The following ABCG2 variants were observed in gnomAD, a reference collection of about 807,000 sequenced individuals.
The protein encoded by ABCG2 is broad substrate specificity ATP-binding cassette transporter ABCG2.
In ABCG2, 80 loss-of-function variants were observed where a neutral mutation model predicts 73.5. The ratio of observed to expected loss-of-function variants is 1.09; its 90% CI spans 0.91 to 1.31. ABCG2 has a LOEUF of 1.31. ABCG2 is among the 50% of genes most tolerant of loss of function. The probability of loss-of-function intolerance (pLI) is 0.00; values close to 1 mark genes in which losing one functional copy is unlikely to be tolerated. For missense variants in ABCG2, 796 were observed against 786.2 expected (o/e 1.01, Z -0.15); for synonymous variants, 269 against 282.4 (o/e 0.95, Z 0.48).
chr4:88,209,212 A>G (rs2110121327), intron 1 of ABCG2, among the ~76,000 whole-genome samples: 1 of 150,398 alleles, frequency 6.6e-6, no homozygotes, highest in South Asian at 2.1e-4. Context: ...CAGGAGACTG[A>G]GGCACAAGAA....
chr4:88,148,222 G>GT (rs1379410853), intron 1 of ABCG2, among the ~76,000 whole-genome samples: 2 of 152,184 alleles, frequency 1.3e-5, no homozygotes, highest in African/African-American at 4.8e-5. Context: ...AGGGCTGCTT[G>GT]TGGGACTTGA....
intron 1 of ABCG2, among the ~76,000 whole-genome samples, chr4:88,222,238 G>A (rs933526767): frequency 2.6e-5 from 4 of 152,234 alleles, no homozygotes; most frequent in Admixed American, 1.3e-4. Flanking sequence ...CTACATTTTG[G>A]AGGAAATGTA....
chr4:88,101,794 G>A (rs192744260), intron 10 of ABCG2, among the ~76,000 whole-genome samples: 4 of 152,312 alleles, frequency 2.6e-5, no homozygotes, highest in Non-Finnish European at 5.9e-5. Context: ...CCAGAACCCA[G>A]CAATGCTGGC....
intron 9 of ABCG2, among the ~76,000 whole-genome samples, chr4:88,111,707 C>G (rs1723143553): frequency 6.6e-6 from 1 of 152,092 alleles, no homozygotes; most frequent in South Asian, 2.1e-4. Context: ...ATAAAAATAA[C>G]AGCCCCAAAA....
At chr4:88,212,118 T>C (rs1051698227) in intron 1 of ABCG2, among the ~76,000 whole-genome samples, 2 of 152,174 alleles carry the variant, frequency 1.3e-5, no homozygotes, top group Non-Finnish European at 2.9e-5. Context: ...TAGCTTTAGG[T>C]GAAAACCAAA....
chr4:88,131,170 T>G lies in ABCG2; in HGVS notation c.422A>C (p.Gln141Pro), dbSNP rs769050167. Residue 141 changes from glutamine to proline, a missense_variant, in exon 5 of 16, where the codon CAG becomes CCG. Coordinates refer to ENST00000237612, the MANE Select transcript of ABCG2 (RefSeq NM_004827.3). ...TGCAAGCCGAAGAGCTGCTGAGAAC[T>G]GTAAGTTTTCTCTCACCGTCAGAGT... Reference protein sequence around the residue: ...MGTLTVRENLQFSAALRLATT... With the variant: ...MGTLTVRENLPFSAALRLATT... 3.1e-6 allele frequency: 5 copies of G among 1,614,062 alleles called. No individual in the cohort carries two copies. The highest frequency in any genetic ancestry group is 4.2e-6 in the Non-Finnish European group (5 of 1,179,962).
chr4:88,129,314 AC>A (rs754880660), intron 5 of ABCG2, among the ~76,000 whole-genome samples: 6 of 152,240 alleles, frequency 3.9e-5, no homozygotes, highest in Non-Finnish European at 8.8e-5. Flanking sequence ...CCATATCATT[AC>A]TATAGTAATC....
chr4:88,169,299 C>T (rs913814220), intron 1 of ABCG2, among the ~76,000 whole-genome samples: 7 of 152,274 alleles, frequency 4.6e-5, no homozygotes, highest in Middle Eastern at 3.4e-3. Context: ...CCGTCTCAGC[C>T]TCCCAAAGTG....
At chr4:88,095,357 G>A (rs775377828) in intron 14 of ABCG2, among the ~76,000 whole-genome samples, 163 bp downstream of exon 14, 5 of 152,152 alleles carry the variant, frequency 3.3e-5, no homozygotes, top group African/African-American at 4.8e-5. Context: ...CCAGCCTTGT[G>A]TTAACCAAGG....
At chr4:88,194,204 G>A (rs1033143412) in intron 1 of ABCG2, among the ~76,000 whole-genome samples, 12 of 152,162 alleles carry the variant, frequency 7.9e-5, no homozygotes, top group Non-Finnish European at 1.6e-4. Context: ...ACCCTGGACT[G>A]TGAAATGACT....
At chr4:88,169,545 A>G (rs1727673740) in intron 1 of ABCG2, among the ~76,000 whole-genome samples, 3 of 152,120 alleles carry the variant, frequency 2.0e-5, no homozygotes, top group Admixed American at 2.0e-4. Context: ...AAAGTGTTAG[A>G]TTAGAAAAGA....
intron 1 of ABCG2, among the ~76,000 whole-genome samples, chr4:88,214,191 T>C (rs1209979152): frequency 1.3e-5 from 2 of 151,458 alleles, no homozygotes; most frequent in Non-Finnish European, 2.9e-5. Context: ...TCTTGCTATG[T>C]TGCCCAGGCT....
intron 1 of ABCG2, among the ~76,000 whole-genome samples, chr4:88,211,644 C>T (rs1378398084): frequency 2.6e-5 from 4 of 152,090 alleles, no homozygotes; most frequent in Non-Finnish European, 5.9e-5. Flanking sequence ...GGCTCGATCT[C>T]CTGACCACGT....
intron 9 of ABCG2, among the ~76,000 whole-genome samples, chr4:88,108,708 C>G (rs1722921909): frequency 6.6e-6 from 1 of 152,116 alleles, no homozygotes; most frequent in Non-Finnish European, 1.5e-5. Context: ...TGGCATGAAG[C>G]AAACCGAACT....
At chr4:88,227,330 A>G (rs1437179047) in intron 1 of ABCG2, among the ~76,000 whole-genome samples, 1 of 152,174 alleles carries the variant, frequency 6.6e-6, no homozygotes, top group Non-Finnish European at 1.5e-5. Context: ...CAGGAGATGG[A>G]GGCTGCAGTG....
intron 1 of ABCG2, among the ~76,000 whole-genome samples, chr4:88,166,698 AG>A (rs1304223793): frequency 4.6e-5 from 7 of 152,306 alleles, no homozygotes; most frequent in African/African-American, 1.7e-4. Context: ...GTGAAGGTAA[AG>A]GGTTAGATAA....
At chr4:88,229,334 A>T (rs1730361056) in intron 1 of ABCG2, among the ~76,000 whole-genome samples, 1 of 152,176 alleles carries the variant, frequency 6.6e-6, no homozygotes, top group Non-Finnish European at 1.5e-5. Flanking sequence ...TGGCTTCAGC[A>T]TCTTCACTAG....
At chr4:88,200,498 G>T (rs1480563777) in intron 1 of ABCG2, among the ~76,000 whole-genome samples, 1 of 151,970 alleles carries the variant, frequency 6.6e-6, no homozygotes, top group Non-Finnish European at 1.5e-5. Context: ...GAAGAAAATT[G>T]TTAAAGATCA....
intron 9 of ABCG2, among the ~76,000 whole-genome samples, chr4:88,108,371 C>T (rs1722899475): frequency 6.7e-6 from 1 of 150,306 alleles, no homozygotes. Context: ...AAAAAAAACA[C>T]ACACAAAAAA....
Sources: gnomAD v4.1 joint callset for allele counts (sites outside exome capture counted in the v4.1 genomes callset) on GRCh38, gnomAD v4.1.1 for gene constraint, MANE v1.5 for transcripts, NCBI Gene and HGNC (gene_info 2026-07-23, HGNC 2026-07-21) for gene names.